Variants in TSPEAR observed in about 807,000 individuals in gnomAD.
TSPEAR encodes the protein thrombospondin-type laminin G domain and EAR repeat-containing protein.
TSPEAR carries 69 observed loss-of-function variants against 71.6 expected under a neutral mutation model. That is an observed-to-expected ratio of 0.96 (90% CI 0.79 to 1.18). The LOEUF is 1.18. Ranked by LOEUF, TSPEAR falls within the 50% of genes most tolerant of loss-of-function variation. The pLI is 0.00. For synonymous variants in TSPEAR, 402 were observed against 387.2 expected (o/e 1.04, Z -0.45); for missense variants, 971 against 894.9 (o/e 1.09, Z -1.09).
At chr21:44,654,121 G>A (rs587748761) in intron 1 of TSPEAR, 12 of 645,250 alleles carry the variant, frequency 1.9e-5, no homozygotes, top group South Asian at 5.7e-5. Flanking sequence ...TGGCCTCACC[G>A]GCTGGGATCT....
intron 2 of TSPEAR, chr21:44,558,605 G>A (rs12483390): frequency 0.42 from 683,257 of 1,612,124 alleles, 153,706 homozygotes; most frequent in Non-Finnish European, 0.47. Context: ...GGGCCGGGGC[G>A]CAGCAGCTGG....
chr21:44,601,154 G>A (rs782680067), intron 1 of TSPEAR: 1 of 1,602,750 alleles, frequency 6.2e-7, no homozygotes, highest in Non-Finnish European at 8.5e-7. Context: ...CAGTCTAGCT[G>A]TGTGAGCTGT....
At chr21:44,507,393 T>TA (rs1163379269) in intron 10 of TSPEAR, among the ~76,000 whole-genome samples, 4 of 152,312 alleles carry the variant, frequency 2.6e-5, no homozygotes, top group Admixed American at 2.6e-4. Context: ...CGCCCTTGAA[T>TA]AGGGTTTTGG....
At chr21:44,663,404 C>T (rs782649977) in intron 1 of TSPEAR, among the ~76,000 whole-genome samples, 9 of 151,902 alleles carry the variant, frequency 5.9e-5, no homozygotes, top group Admixed American at 2.0e-4. Context: ...AAAGCTTATT[C>T]CAGAGAAGTA....
intron 5 of TSPEAR, 81 bp from the exon 6 acceptor site, chr21:44,528,664 C>G (rs1366394869): frequency 1.5e-5 from 23 of 1,556,354 alleles, no homozygotes; most frequent in African/African-American, 2.7e-5. Flanking sequence ...GCCCCCAAAC[C>G]AGGCTGCCCT....
chr21:44,510,454 A>G (rs587687936), intron 9 of TSPEAR, among the ~76,000 whole-genome samples: 1 of 152,264 alleles, frequency 6.6e-6, no homozygotes, highest in East Asian at 1.9e-4. Flanking sequence ...GCCCAAATCG[A>G]CCAGCAAGGG....
intron 1 of TSPEAR, chr21:44,698,125 A>C: frequency 4.2e-6 from 3 of 721,992 alleles, no homozygotes; most frequent in Non-Finnish European, 6.8e-6. Flanking sequence ...GCTCCAGATG[A>C]CCCTGCCTCC....
In TSPEAR at chr21:44,627,921, C is replaced by T. The variant is rs781984837; in HGVS notation, c.83-59916G>A. 2.2e-5 allele frequency: 33 copies of T among 1,520,060 alleles called. 1 individual carries two copies. The East Asian group carries it at 5.3e-4, about 24-fold the overall frequency. The allele number at this position is 1,520,060 out of a possible 1,614,324, so 94.2% of individuals were successfully genotyped here. On this transcript the variant is annotated intron_variant, in intron 1 of 11. Transcript: ENST00000323084. ...CCTGCTGCGTGCCCGTCTCCTCCTG[C>T]TGTGCCCCCACCTCCTCCCGCCAGC... is the stretch of plus-strand genomic sequence containing the variant.
chr21:44,570,591 C>A (rs776199017), intron 1 of TSPEAR, among the ~76,000 whole-genome samples: 1 of 152,154 alleles, frequency 6.6e-6, no homozygotes, highest in African/African-American at 2.4e-5. Context: ...GGGAACCGGG[C>A]GCTGCTTTGA....
chr21:44,562,284 G>A lies in TSPEAR; in HGVS notation c.303+5501C>T, dbSNP rs150648495. On this transcript the variant is annotated intron_variant, in intron 2 of 11. Transcript: ENST00000323084. The stretch of plus-strand genomic sequence containing the variant: ...GAACACAGCTAATAAGGGATGTGAA[G>A]GAGCTCTTCAAGGAGAACTACAAAT... Among the ~76,000 whole-genome samples the A allele has an allele frequency of 8.2e-3, 1,246 of 152,254 alleles. 15 individuals carry two copies. The highest frequency in any genetic ancestry group is 0.028 in the African/African-American group (1,173 of 41,548).
Position 44,506,461 on chromosome 21 carries a change from TGTG to T in TSPEAR, c.1755-1583_1755-1581del, listed in dbSNP as rs1555911957. On this transcript the variant is annotated intron_variant, in intron 10 of 11. Coordinates refer to ENST00000323084, the MANE Select transcript of TSPEAR (RefSeq NM_144991.3). The surrounding 1 kb of genome is among the most constrained non-coding windows in gnomAD (Gnocchi z 4.2). The stretch of plus-strand genomic sequence containing the variant: ...ATCCCGGTGCTTCCCTGCAGGCAGT[TGTG>T]GGGCCGGCCTGCAGCAGGGGCTCAG... 1.3e-5 allele frequency among the ~76,000 whole-genome samples: 2 copies of T among 152,268 alleles called. No individual in the cohort carries two copies. Among genetic ancestry groups the T allele is most frequent in the African/African-American group, 4.8e-5 (2 of 41,566 alleles).
intron 1 of TSPEAR, chr21:44,602,241 G>A (rs1010521966): frequency 6.8e-5 from 12 of 175,568 alleles, no homozygotes; most frequent in South Asian, 5.5e-4. Context: ...CCCGCGGGTG[G>A]TCCTGGGCTG....
chr21:44,560,064 G>A (rs587722984), intron 2 of TSPEAR, among the ~76,000 whole-genome samples: 5 of 152,056 alleles, frequency 3.3e-5, no homozygotes, highest in South Asian at 2.1e-4. Context: ...GTCATGACCC[G>A]TCAGTGTGCT....
intron 1 of TSPEAR, chr21:44,638,069 C>A: frequency 6.2e-7 from 1 of 1,613,274 alleles, no homozygotes. Context: ...CTCCTGCCAG[C>A]CCAGCTGCTG....
At chr21:44,584,867 T>C (rs1293760676) in intron 1 of TSPEAR, among the ~76,000 whole-genome samples, 2 of 152,314 alleles carry the variant, frequency 1.3e-5, no homozygotes, top group East Asian at 3.9e-4. Flanking sequence ...TGTTATTCAG[T>C]GTTGGTAATT....
chr21:44,540,326 G>A (rs2053197141), intron 2 of TSPEAR: 1 of 1,058,990 alleles, frequency 9.4e-7, no homozygotes, highest in Admixed American at 2.8e-5. Flanking sequence ...TGGTTGCTGA[G>A]AGGTGGCGTG....
chr21:44,658,181 C>A (rs1555942943), intron 1 of TSPEAR: 7 of 1,614,180 alleles, frequency 4.3e-6, no homozygotes, highest in Non-Finnish European at 5.9e-6. Flanking sequence ...ATATGTGACT[C>A]CCTCTTGCCA....
chr21:44,694,989 G>C (rs1473149257), intron 1 of TSPEAR, among the ~76,000 whole-genome samples: 1 of 152,118 alleles, frequency 6.6e-6, no homozygotes, highest in African/African-American at 2.4e-5. Context: ...TGCCCCAAGG[G>C]GGGTCGTGCT....
At chr21:44,603,931 C>A (rs1254760314) in intron 1 of TSPEAR, among the ~76,000 whole-genome samples, 1 of 152,216 alleles carries the variant, frequency 6.6e-6, no homozygotes, top group Non-Finnish European at 1.5e-5. Context: ...TCCACCAATC[C>A]CATCCCAGAG....
Sources: allele counts gnomAD v4.1 joint callset (sites outside exome capture counted in the v4.1 genomes callset), GRCh38; gene constraint gnomAD v4.1.1; non-coding constraint Gnocchi (gnomAD v3.1); transcripts MANE v1.5; gene names NCBI Gene and HGNC (gene_info 2026-07-23, HGNC 2026-07-21).